The following CCL28 variants were observed in gnomAD, a reference collection of about 807,000 sequenced individuals.
CCL28 encodes the protein C-C motif chemokine ligand 28.
In CCL28, 4 loss-of-function variants were observed where a neutral mutation model predicts 7.1. The observed-to-expected ratio is 0.56, with a 90% CI of 0.28 to 1.29. The LOEUF (loss-of-function observed/expected upper bound fraction) is 1.29, where lower values mean the gene tolerates loss of function less well. Among genes scored for constraint, CCL28 ranks in the 50% most tolerant of loss-of-function variants. CCL28 has a pLI of 0.11. For missense variants in CCL28, 151 were observed against 163.4 expected (o/e 0.92, Z 0.41); for synonymous variants, 55 against 57.8 (o/e 0.95, Z 0.22).
chr5:43,362,573 C>T, the CCL28 span, among the ~76,000 whole-genome samples: 1 of 152,120 alleles, frequency 6.6e-6, no homozygotes, highest in Admixed American at 6.6e-5. Flanking sequence ...TAATTGCTAA[C>T]TCCATGAAAA....
chr5:43,405,584 G>C (rs529931152), intron 1 of CCL28, among the ~76,000 whole-genome samples: 1 of 152,136 alleles, frequency 6.6e-6, no homozygotes, highest in Non-Finnish European at 1.5e-5. Context: ...ACAATTAAAA[G>C]AACTAGAGAA....
Position 43,380,463 on chromosome 5 carries a change from T to A in CCL28, c.*1397A>T, listed in dbSNP as rs1042143973. ...GACAAAATAAGTACACGAATTCACG[T>A]AGGAAATTCTTAACCAAAAACATTA... is the stretch of plus-strand genomic sequence containing the variant. On this transcript the variant is annotated 3_prime_UTR_variant, in exon 3 of 3. Coordinates refer to ENST00000361115, the MANE Select transcript of CCL28 (RefSeq NM_148672.3). 1.9e-4 allele frequency: 29 copies of A among 152,144 alleles called. No individual in the cohort carries two copies. Among genetic ancestry groups the A allele is most frequent in the African/African-American group, 7.0e-4 (29 of 41,436 alleles). 9.4% of individuals were successfully genotyped at this position (152,144 alleles called of 1,614,324 possible). A position where few individuals can be genotyped will look rare whatever the true frequency, so the allele number is the denominator to read the frequency against.
chr5:43,375,458 TAAAAAAAAAA>T (rs56289620), downstream of CCL28, among the ~76,000 whole-genome samples: 7 of 32,736 alleles, frequency 2.1e-4, 1 homozygote, highest in South Asian at 2.7e-3. Context: ...GACAGAAAGC[TAAAAAAAAAA>T]AAAAAAAAAA....
chr5:43,407,737 T>C (rs1384659269), intron 1 of CCL28, among the ~76,000 whole-genome samples: 2 of 152,132 alleles, frequency 1.3e-5, no homozygotes, highest in Non-Finnish European at 2.9e-5. Flanking sequence ...ATTTTTACAA[T>C]CTATCCATCT....
chr5:43,376,398 T>C (rs900763232), downstream of CCL28, among the ~76,000 whole-genome samples: 2 of 152,096 alleles, frequency 1.3e-5, no homozygotes, highest in African/African-American at 4.8e-5. Context: ...CTAGAGTACA[T>C]GGGAGAGCCC....
At chr5:43,397,226 C>G (rs946445043) in intron 1 of CCL28, 1 of 152,262 alleles carries the variant, frequency 6.6e-6, no homozygotes, top group Non-Finnish European at 1.5e-5. Flanking sequence ...CCGGGGGAGC[C>G]GGCTGGGGCG....
intron 1 of CCL28, among the ~76,000 whole-genome samples, chr5:43,389,171 G>T (rs573812930): frequency 8.5e-5 from 13 of 152,272 alleles, no homozygotes; most frequent in African/African-American, 3.1e-4. Flanking sequence ...CTGTGAACAG[G>T]TACAAGATCT....
chr5:43,411,268 T>A (rs181472489), intron 1 of CCL28, among the ~76,000 whole-genome samples: 2 of 152,220 alleles, frequency 1.3e-5, no homozygotes, highest in African/African-American at 4.8e-5. Context: ...CTGTTCAGGA[T>A]AAAGCTTAAA....
At chr5:43,410,464 A>G (rs1341609615) in intron 1 of CCL28, among the ~76,000 whole-genome samples, 2 of 152,150 alleles carry the variant, frequency 1.3e-5, no homozygotes, top group Non-Finnish European at 2.9e-5. Flanking sequence ...GACTAACCCA[A>G]AAGGCTATTG....
intron 1 of CCL28, among the ~76,000 whole-genome samples, chr5:43,395,301 C>A (rs1488362209): frequency 1.3e-5 from 2 of 151,832 alleles, no homozygotes; most frequent in Non-Finnish European, 2.9e-5. Context: ...AGTGTCATAG[C>A]TTTATCTCAC....
At chr5:43,382,122 A>C (rs1219300721) in intron 2 of CCL28, 70 bp from the exon 3 acceptor site, 2 of 1,377,806 alleles carry the variant, frequency 1.5e-6, no homozygotes, top group African/African-American at 2.9e-5. Flanking sequence ...AGTGACTTAC[A>C]TGCAGCTCCC....
intron 1 of CCL28, among the ~76,000 whole-genome samples, chr5:43,394,042 G>A (rs1384377271): frequency 1.3e-5 from 2 of 151,966 alleles, no homozygotes; most frequent in Non-Finnish European, 2.9e-5. Flanking sequence ...TTCTGTATTG[G>A]TACAGAGGAA....
the CCL28 span, among the ~76,000 whole-genome samples, chr5:43,359,925 C>A: frequency 6.6e-6 from 1 of 152,068 alleles, no homozygotes; most frequent in African/African-American, 2.4e-5. Context: ...TCTATGATTT[C>A]ATCCCCAACT....
At chr5:43,411,278 A>G (rs958849899) in intron 1 of CCL28, among the ~76,000 whole-genome samples, 1 of 152,228 alleles carries the variant, frequency 6.6e-6, no homozygotes, top group South Asian at 2.1e-4. Flanking sequence ...TAAAGCTTAA[A>G]GAAAAGATGA....
At chr5:43,392,902 T>A (rs1024966591) in intron 1 of CCL28, among the ~76,000 whole-genome samples, 1 of 152,204 alleles carries the variant, frequency 6.6e-6, no homozygotes, top group African/African-American at 2.4e-5. Context: ...TTGGTAAGTG[T>A]ATCTTTTAAC....
At chr5:43,399,502 C>G (rs1300682381) in intron 1 of CCL28, among the ~76,000 whole-genome samples, 1 of 152,212 alleles carries the variant, frequency 6.6e-6, no homozygotes, top group Non-Finnish European at 1.5e-5. Context: ...TGTAACCCCC[C>G]ACCACATAGC....
At chr5:43,369,643 C>T in the CCL28 span, among the ~76,000 whole-genome samples, 2 of 152,080 alleles carry the variant, frequency 1.3e-5, no homozygotes, top group Non-Finnish European at 2.9e-5. Context: ...AGGCTGGTCT[C>T]GAACTCCTGA....
chr5:43,368,746 G>A, the CCL28 span, among the ~76,000 whole-genome samples: 3 of 152,098 alleles, frequency 2.0e-5, no homozygotes, highest in African/African-American at 7.2e-5. Flanking sequence ...GTTGAAAGAA[G>A]ATGATGTGAA....
chr5:43,411,936 C>T (rs182239735), intron 1 of CCL28, among the ~76,000 whole-genome samples: 15 of 152,330 alleles, frequency 9.8e-5, no homozygotes, highest in Admixed American at 7.8e-4. Context: ...GGCTTTACTC[C>T]AGCCTCTAGC....
Sources: allele counts gnomAD v4.1 joint callset (sites outside exome capture counted in the v4.1 genomes callset), GRCh38; gene constraint gnomAD v4.1.1; transcripts MANE v1.5; gene names NCBI Gene and HGNC (gene_info 2026-07-23, HGNC 2026-07-21).